The following SUPT6H variants were observed in gnomAD, a reference collection of about 807,000 sequenced individuals.
SUPT6H encodes transcription elongation factor SPT6.
SUPT6H carries 11 observed loss-of-function variants against 222.3 expected under a neutral mutation model. The ratio of observed to expected loss-of-function variants is 0.05; its 90% CI spans 0.03 to 0.08. The LOEUF (loss-of-function observed/expected upper bound fraction) is 0.08, where lower values mean the gene tolerates loss of function less well. Ranked by LOEUF, SUPT6H falls within the 10% of genes least tolerant of loss-of-function variation. The pLI is 1.00. For missense variants in SUPT6H, 1,422 were observed against 2,216.0 expected, an observed-to-expected ratio of 0.64 and a Z score of 7.19; for synonymous variants, 762 against 801.2, an observed-to-expected ratio of 0.95 and a Z score of 0.83.
intron 10 of SUPT6H, 78 bp downstream of exon 10, chr17:28,678,712 C>A (rs2030907074): frequency 1.2e-6 from 2 of 1,609,826 alleles, no homozygotes; most frequent in Admixed American, 1.7e-5. Flanking sequence ...AAACCCAAAC[C>A]CCCCAGGCCT....
intron 1 of SUPT6H, among the ~76,000 whole-genome samples, chr17:28,669,285 A>G (rs2030272006): frequency 1.3e-5 from 2 of 152,070 alleles, no homozygotes; most frequent in Admixed American, 6.6e-5. Context: ...TCTGCCTTCC[A>G]GGTTCAAGCA....
intron 1 of SUPT6H, among the ~76,000 whole-genome samples, chr17:28,669,373 T>C (rs2030276621): frequency 1.3e-5 from 2 of 152,174 alleles, no homozygotes; most frequent in Non-Finnish European, 2.9e-5. Context: ...TCATTTTTAG[T>C]GGAGGCAGAG....
At position 28,665,266 on chromosome 17, in the gene SUPT6H, A is replaced by T. The variant is rs1567682094; in HGVS notation, c.-32+2924A>T. 2.6e-5 allele frequency among the ~76,000 whole-genome samples: 4 copies of T among 152,120 alleles called. No individual in the cohort carries two copies. In the South Asian group the frequency reaches 8.3e-4, roughly 32 times the overall value. On this transcript the variant is annotated intron_variant, in intron 1 of 36. Coordinates refer to ENST00000314616, the MANE Select transcript of SUPT6H (RefSeq NM_003170.5). ...TACTGGAACCTCTCCTCCTACTTCT[A>T]CAGGTCATATCCTACCTATTGACAT...
rs141860345 is a variant in SUPT6H at position 28,697,957 on chromosome 17, C to T, written c.4375C>T (p.Pro1459Ser). 1 of 1,613,920 alleles carries T rather than the reference C, an allele frequency of 6.2e-7. No individual in the cohort carries two copies. Among genetic ancestry groups the T allele is most frequent in the Non-Finnish European group, 8.5e-7 (1 of 1,180,038 alleles). Residue 1459 changes from proline (P) to serine (S), a missense_variant, in exon 32 of 37, where the codon CCT (proline) becomes TCT (serine). Physicochemically the swap from Pro to Ser is moderately conservative, Grantham distance 74 (BLOSUM62 -1). This residue lies in a region of SUPT6H where 395 missense variants were observed against 580.6 expected (regional missense o/e 0.68). Coordinates refer to ENST00000314616, the MANE Select transcript of SUPT6H (RefSeq NM_003170.5). ...TAAGAAGGAGAAGCCCACCTTCATC[C>T]CTTATTTCATCTGTGCCTGCAAGGA... ...KTKKEKPTFI[P>S]YFICACKELP...
At chr17:28,692,027 A>T (rs956889286) in intron 27 of SUPT6H, among the ~76,000 whole-genome samples, 2 of 151,660 alleles carry the variant, frequency 1.3e-5, no homozygotes, top group African/African-American at 4.8e-5. Context: ...CCTTTTTTAA[A>T]AAAAGGGAGG....
intron 1 of SUPT6H, among the ~76,000 whole-genome samples, chr17:28,665,989 T>C (rs2029987810): frequency 6.6e-6 from 1 of 152,190 alleles, no homozygotes. Flanking sequence ...TGCAATGGCT[T>C]CCCAGTGCCT....
At chr17:28,695,023 TG>T in intron 28 of SUPT6H, 1 of 214,436 alleles carries the variant, frequency 4.7e-6, no homozygotes, top group Non-Finnish European at 8.7e-6. Context: ...GGGGGGGTGT[TG>T]GGGGAGTCAA....
At chr17:28,676,953 G>C (rs1018823062) in intron 7 of SUPT6H, among the ~76,000 whole-genome samples, 5 of 152,110 alleles carry the variant, frequency 3.3e-5, no homozygotes, top group Non-Finnish European at 7.4e-5. Flanking sequence ...TTATGGCCAG[G>C]CACGGTGGTT....
At chr17:28,691,838 A>C (rs2031663156) in intron 27 of SUPT6H, 1 of 151,176 alleles carries the variant, frequency 6.6e-6, no homozygotes, top group Non-Finnish European at 1.5e-5. Flanking sequence ...CGAAAGAGCG[A>C]GACTCCGTCT....
At chr17:28,698,119 C>T (rs948885192) in intron 32 of SUPT6H, 89 bp downstream of exon 32, 1 of 1,467,140 alleles carries the variant, frequency 6.8e-7, no homozygotes, top group Admixed American at 2.3e-5. Context: ...CCCTCTCTGG[C>T]TCTGCTGGAC....
chr17:28,664,043 A>G (rs1326015476), intron 1 of SUPT6H, among the ~76,000 whole-genome samples: 1 of 151,620 alleles, frequency 6.6e-6, no homozygotes, highest in African/African-American at 2.4e-5. Context: ...TGCCAAATCC[A>G]ATGGATACTT....
At chr17:28,673,329 CAT>C (rs1025458928) in intron 1 of SUPT6H, 40 bp from the exon 2 acceptor site, 203 of 1,248,240 alleles carry the variant, frequency 1.6e-4, no homozygotes, top group African/African-American at 4.6e-4. Context: ...TCTGTACAAT[CAT>C]GTGTCCGTTT....
rs375759067 is a variant in SUPT6H, at chr17:28,687,405, T to A, written c.2940T>A (p.Pro980=). The change falls in exon 23 of 37, where the codon CCT becomes CCA. Residue 980 remains proline, a synonymous_variant. Transcript: ENST00000314616. ...GVDVNRAIAH[P]YSQALIQYVC... ...ATGTCAACCGTGCCATTGCCCACCC[T>A]TACAGCCAGGCCTTGATCCAGTATG... 164 of 1,614,054 alleles carry A rather than the reference T, an allele frequency of 1.0e-4. No homozygotes were observed. Among genetic ancestry groups the A allele is most frequent in the Non-Finnish European group, 1.3e-4 (151 of 1,180,036 alleles).
In SUPT6H at chr17:28,674,964, C is replaced by T. The variant is rs1450058504; in HGVS notation, c.346-6C>T. The T allele has an allele frequency of 1.2e-6, 2 of 1,612,906 alleles. No homozygotes were observed. The highest frequency in any genetic ancestry group is 8.5e-7 in the Non-Finnish European group (1 of 1,179,490). The stretch of plus-strand genomic sequence containing the variant: ...ATCCTGATAAGGCAGGTTTTCCCAC[C>T]CCTAGCAAAAGTACCGGCGTGTCAA... On this transcript the variant is annotated splice_polypyrimidine_tract_variant and splice_region_variant and intron_variant, in intron 4 of 36. Transcript: ENST00000314616.
chr17:28,679,106 T>C, intron 11 of SUPT6H, 143 bp downstream of exon 11: 1 of 1,103,842 alleles, frequency 9.1e-7, no homozygotes, highest in Non-Finnish European at 1.3e-6. Context: ...GCACAGTGGC[T>C]CATGCCTGTA....
At position 28,663,828 on chromosome 17, in the gene SUPT6H, A is replaced by ATT. The variant is rs71135839; in HGVS notation, c.-32+1502_-32+1503dup. On this transcript the variant is annotated intron_variant, in intron 1 of 36. Transcript: ENST00000314616. ...ATCTGGCTTCTCTTCTGCCCACTCC[A>ATT]TTTTTTTTTTTTTTTTTGTGGAGAC... 1.4e-3 allele frequency among the ~76,000 whole-genome samples: 55 copies of ATT among 38,400 alleles called. 20 individuals are homozygous for ATT. The highest frequency in any genetic ancestry group is 6.1e-3 in the East Asian group (6 of 986). 25.2% of individuals were successfully genotyped at this position (38,400 alleles called of 152,430 possible). A position where few individuals can be genotyped will look rare whatever the true frequency, so the allele number is the denominator to read the frequency against.
chr17:28,681,196 CA>C, intron 11 of SUPT6H, 59 bp from the exon 12 acceptor site: 1 of 1,597,902 alleles, frequency 6.3e-7, no homozygotes, highest in Non-Finnish European at 8.5e-7. Context: ...CTCTTGTAGC[CA>C]AATTGGGATA....
In SUPT6H at chr17:28,681,733, A is replaced by C; in HGVS notation, c.1499-149A>C. On this transcript the variant is annotated intron_variant, in intron 12 of 36. Transcript: ENST00000314616. ...GTCTCAAAAAAAAAAAAAAAAAATC[A>C]AGAAAGAAAACCCAGGAGACTTGAC... 7.2e-6 allele frequency: 5 copies of C among 698,010 alleles called. 1 individual carries two copies. The South Asian group carries it at 1.1e-4, about 15-fold the overall frequency. 43.2% of individuals were successfully genotyped at this position (698,010 alleles called of 1,614,324 possible).
Position 28,697,926 on chromosome 17 carries a change from C to G in SUPT6H, c.4344C>G (p.Ile1448Met). 1 of 1,614,102 alleles carries G rather than the reference C, an allele frequency of 6.2e-7. No homozygotes were observed. Among genetic ancestry groups the G allele is most frequent in the Non-Finnish European group, 8.5e-7 (1 of 1,180,038 alleles). Reference sequence around the variant, plus strand: ...CCCAGAAATTAGAGGAGCTGCTCATCAAAACTAAGAAGGAGAAGCCCACCT... The same window carrying G: ...CCCAGAAATTAGAGGAGCTGCTCATGAAAACTAAGAAGGAGAAGCCCACCT... Reference protein sequence around the residue: ...GDRKKLEELLIKTKKEKPTFI... With the variant: ...GDRKKLEELLMKTKKEKPTFI... The change falls in exon 32 of 37, where the codon ATC (isoleucine) becomes ATG (methionine). Residue 1448 changes from isoleucine to methionine, a missense_variant. Ile to Met is a conservative substitution (Grantham distance 10). Transcript: ENST00000314616.
Sources: allele counts gnomAD v4.1 joint callset (sites outside exome capture counted in the v4.1 genomes callset), GRCh38; gene constraint gnomAD v4.1.1; regional missense constraint gnomAD v4.1.1; transcripts MANE v1.5; gene names NCBI Gene and HGNC (gene_info 2026-07-23, HGNC 2026-07-21).